The following AGO4 variants were observed in gnomAD, a reference collection of about 807,000 sequenced individuals.
AGO4 encodes argonaute RISC component 4.
AGO4 carries 33 observed loss-of-function variants against 104.7 expected under a neutral mutation model. That is an observed-to-expected ratio of 0.32 (90% confidence interval 0.24 to 0.42). AGO4 has a LOEUF of 0.42. AGO4 is among the 10% of genes least tolerant of loss of function. The pLI is 1.00. For missense variants in AGO4, 711 were observed against 1,083.4 expected, an observed-to-expected ratio of 0.66 and a Z score of 4.83; for synonymous variants, 331 against 364.7, an observed-to-expected ratio of 0.91 and a Z score of 1.05.
intron 2 of AGO4, among the ~76,000 whole-genome samples, chr1:35,819,506 G>A (rs939064701): frequency 1.3e-5 from 2 of 151,840 alleles, no homozygotes; most frequent in African/African-American, 4.8e-5. Flanking sequence ...GAGGTGGGTG[G>A]ATCACGAGGT....
At chr1:35,812,432 A>G (rs1643540292) in intron 1 of AGO4, among the ~76,000 whole-genome samples, 1 of 152,156 alleles carries the variant, frequency 6.6e-6, no homozygotes, top group Admixed American at 6.5e-5. Context: ...TACATATCAC[A>G]AGATTATGAA....
rs1413679460 is a variant in AGO4, at chr1:35,825,906, T to C, written c.626-20T>C. The C allele has an allele frequency of 6.2e-7, 1 of 1,612,128 alleles. No individual in the cohort carries two copies. The highest frequency in any genetic ancestry group is 1.7e-5 in the Admixed American group (1 of 59,478). ...CCCTTCCCTTTTCCCTGAAGTGAAG[T>C]ATCCTTCTCTGTTTGTTAGTATCTG... On this transcript the variant is annotated intron_variant, in intron 5 of 17. Coordinates refer to ENST00000373210, the MANE Select transcript of AGO4 (RefSeq NM_017629.4).
chr1:35,855,509 G>GTCGA lies in AGO4; in HGVS notation c.*1909_*1912dup, dbSNP rs1186464681. The GTCGA allele has an allele frequency of 2.0e-5, 3 of 152,590 alleles. No individual in the cohort carries two copies. Among genetic ancestry groups the GTCGA allele is most frequent in the Admixed American group, 2.0e-4 (3 of 15,276 alleles). 9.5% of individuals were successfully genotyped at this position (152,590 alleles called of 1,614,324 possible). A position where few individuals can be genotyped will look rare whatever the true frequency, so the allele number is the denominator to read the frequency against. ...AGACTGGTCTCTGAGAGAGTTTTAT[G>GTCGA]TCGATCGAGGCCTGTTGCTCATTAA... On this transcript the variant is annotated 3_prime_UTR_variant, in exon 18 of 18. Transcript: ENST00000373210.
intron 2 of AGO4, among the ~76,000 whole-genome samples, chr1:35,818,834 A>G (rs1643816230): frequency 6.6e-6 from 1 of 152,164 alleles, no homozygotes; most frequent in Non-Finnish European, 1.5e-5. Context: ...ACACTTTGTC[A>G]TTTATTCTGG....
intron 1 of AGO4, among the ~76,000 whole-genome samples, chr1:35,811,175 C>CA (rs1643490739): frequency 6.6e-6 from 1 of 150,642 alleles, no homozygotes; most frequent in South Asian, 2.1e-4. Context: ...CAAACCACAA[C>CA]AAAAAAACAC....
intron 2 of AGO4, among the ~76,000 whole-genome samples, chr1:35,818,809 T>C (rs1457398061): frequency 6.6e-6 from 1 of 152,104 alleles, no homozygotes. Flanking sequence ...CATGCAGAAC[T>C]TGTAGGCATT....
At chr1:35,834,265 T>A (rs938867242) in intron 12 of AGO4, 91 bp downstream of exon 12, 5 of 1,155,046 alleles carry the variant, frequency 4.3e-6, no homozygotes, top group Non-Finnish European at 5.7e-6. Flanking sequence ...GTCACAAACC[T>A]CAAACTCTCA....
chr1:35,841,329 T>C lies in AGO4; in HGVS notation c.1889T>C (p.Ile630Thr). 3.1e-6 allele frequency: 5 copies of C among 1,614,014 alleles called. No homozygotes were observed. The South Asian group carries it at 4.4e-5, about 14-fold the overall frequency. ...TVRVQTSRQE[I>T]SQELLYSQEV... Reference sequence around the variant, plus strand: ...CGGGTGCAGACTTCCCGGCAGGAGATCTCCCAAGAGCTCCTCTACAGTCAA... The same window carrying C: ...CGGGTGCAGACTTCCCGGCAGGAGACCTCCCAAGAGCTCCTCTACAGTCAA... Residue 630 changes from isoleucine (I) to threonine (T), a missense_variant, in exon 14 of 18, where the codon ATC becomes ACC. Physicochemically the swap from Ile to Thr is moderately conservative, Grantham distance 89 (BLOSUM62 -1). Coordinates refer to ENST00000373210, the MANE Select transcript of AGO4 (RefSeq NM_017629.4). This position sits in a 1 kb window ranked among gnomAD's most constrained non-coding sequence, Gnocchi z 4.7.
intron 13 of AGO4, among the ~76,000 whole-genome samples, chr1:35,836,806 T>A (rs1231066805): frequency 6.6e-6 from 1 of 152,236 alleles, no homozygotes; most frequent in Non-Finnish European, 1.5e-5. Context: ...ATTACTGAGT[T>A]ACGGAGAATA....
At chr1:35,820,010 A>C (rs1340469460) in intron 2 of AGO4, among the ~76,000 whole-genome samples, 3 of 152,124 alleles carry the variant, frequency 2.0e-5, no homozygotes, top group African/African-American at 7.2e-5. Flanking sequence ...TTTAACTGAA[A>C]GATTAAAGGC....
chr1:35,821,972 C>G (rs1025459121), intron 2 of AGO4, among the ~76,000 whole-genome samples: 1 of 151,974 alleles, frequency 6.6e-6, no homozygotes, highest in Admixed American at 6.6e-5. Context: ...ACTGCAACCC[C>G]TGCCTCCTGG....
chr1:35,827,556 GAA>G (rs1644056000), intron 7 of AGO4, among the ~76,000 whole-genome samples: 1 of 152,034 alleles, frequency 6.6e-6, no homozygotes, highest in Non-Finnish European at 1.5e-5. Context: ...ATCTTATACT[GAA>G]ATTTTCAAGA....
chr1:35,821,621 G>T (rs1643887702), intron 2 of AGO4, among the ~76,000 whole-genome samples: 1 of 152,114 alleles, frequency 6.6e-6, no homozygotes, highest in African/African-American at 2.4e-5. Context: ...TTGAGAAAAA[G>T]ACTTTTATTC....
At chr1:35,847,468 A>G (rs1644599476) in intron 15 of AGO4, among the ~76,000 whole-genome samples, 2 of 152,132 alleles carry the variant, frequency 1.3e-5, no homozygotes, top group Admixed American at 1.3e-4. Context: ...TCCTGAGCTC[A>G]AGTAATCTGC....
chr1:35,819,187 A>G (rs1488818866), intron 2 of AGO4, among the ~76,000 whole-genome samples: 1 of 152,138 alleles, frequency 6.6e-6, no homozygotes, highest in Admixed American at 6.6e-5. Flanking sequence ...GAGCTACTGG[A>G]AAAAAAGGAG....
At position 35,830,903 on chromosome 1, in the gene AGO4, T is replaced by C. The variant is rs377167963; in HGVS notation, c.849-524T>C. ...AGGAGAACCGCTTGAACCCGGGAGA[T>C]GGAGATTGCAGTGAACCAAGATGGT... On this transcript the variant is annotated intron_variant, in intron 7 of 17. Transcript: ENST00000373210. Among the ~76,000 whole-genome samples, 85 of 144,872 alleles carry C rather than the reference T, an allele frequency of 5.9e-4. 2 individuals are homozygous for C. The East Asian group carries it at 0.015, about 26-fold the overall frequency.
chr1:35,822,815 T>C lies in AGO4; in HGVS notation c.186-47T>C, dbSNP rs528809787. ...AAGTATGATGATGCTTTTCTTACTG[T>C]TCACCATTTCTGAAAGCTAACTGCC... On this transcript the variant is annotated intron_variant, in intron 2 of 17. Coordinates refer to ENST00000373210, the MANE Select transcript of AGO4 (RefSeq NM_017629.4). The C allele has an allele frequency of 2.6e-5, 42 of 1,609,078 alleles. 1 individual carries two copies. In the South Asian group the frequency reaches 4.3e-4, roughly 16 times the overall value.
In AGO4 at chr1:35,834,126, GGCCTACA is replaced by G; in HGVS notation, c.1519_1525del (p.Leu507Ter). 6.2e-7 allele frequency: 1 copy of G among 1,609,050 alleles called. No homozygotes were observed. Among genetic ancestry groups the G allele is most frequent in the Non-Finnish European group, 8.5e-7 (1 of 1,177,934 alleles). ...TAAACATCTGAAAATGACTTATGTG[GGCCTACA>G]GCTAATAGTGGTTATCCTGCCTGGA... is the stretch of plus-strand genomic sequence containing the variant. On this transcript the variant is annotated frameshift_variant, in exon 12 of 18. Transcript: ENST00000373210. LOFTEE classifies it high-confidence loss of function.
chr1:35,844,899 G>A (rs1022355430), intron 15 of AGO4, among the ~76,000 whole-genome samples: 1 of 152,038 alleles, frequency 6.6e-6, no homozygotes, highest in Non-Finnish European at 1.5e-5. Flanking sequence ...CTTTCTATCT[G>A]TACTTTCTCA....
Sources: allele counts gnomAD v4.1 joint callset (sites outside exome capture counted in the v4.1 genomes callset), GRCh38; gene constraint gnomAD v4.1.1; non-coding constraint Gnocchi (gnomAD v3.1); transcripts MANE v1.5; gene names NCBI Gene and HGNC (gene_info 2026-07-23, HGNC 2026-07-21).